Variants in CELSR1 observed in about 807,000 individuals in gnomAD.
CELSR1 encodes adhesion G protein-coupled receptor C1.
A neutral mutation model predicts 249.1 loss-of-function variants in CELSR1; 110 were observed. The ratio of observed to expected loss-of-function variants is 0.44; its 90% CI spans 0.38 to 0.52. The LOEUF is 0.52. CELSR1 is among the 20% of genes least tolerant of loss of function. The pLI is 0.00. For missense variants in CELSR1, 4,109 were observed against 4,296.4 expected, an observed-to-expected ratio of 0.96 and a Z score of 1.22; for synonymous variants, 2,113 against 1,900.0, an observed-to-expected ratio of 1.11 and a Z score of -2.92.
intron 27 of CELSR1, among the ~76,000 whole-genome samples, chr22:46,368,332 C>T (rs1042559258): frequency 1.9e-4 from 29 of 152,052 alleles, no homozygotes; most frequent in African/African-American, 4.8e-4. Context: ...GGAGTGAATC[C>T]GGGTGACAGA....
rs140648426 is a variant in CELSR1, at chr22:46,488,911, G to A, written c.3545-24566C>T. On this transcript the variant is annotated intron_variant, in intron 1 of 34. Transcript: ENST00000674500. The surrounding 1 kb of genome is among the most constrained non-coding windows in gnomAD (Gnocchi z 4.7). ...CCTGACCTCATGATCCGCCTGCCTCGGCTTCCCAAAGTGTTGGGATTACAG... is the reference window on the plus strand; with the variant it reads ...CCTGACCTCATGATCCGCCTGCCTCAGCTTCCCAAAGTGTTGGGATTACAG... Among the ~76,000 whole-genome samples, 2,082 of 151,718 alleles carry A rather than the reference G, an allele frequency of 0.014. 45 individuals are homozygous for A. Among genetic ancestry groups the A allele is most frequent in the African/African-American group, 0.048 (1,991 of 41,340 alleles).
chr22:46,494,899 A>G (rs149853846), intron 1 of CELSR1, among the ~76,000 whole-genome samples: 201 of 152,288 alleles, frequency 1.3e-3, no homozygotes, highest in African/African-American at 4.6e-3. Flanking sequence ...ATTGTAGGTT[A>G]TATATTTCAC....
In CELSR1 at chr22:46,363,057, C is replaced by CG. The variant is rs1311620586; in HGVS notation, c.*165dup. On this transcript the variant is annotated 3_prime_UTR_variant, in exon 35 of 35. Coordinates refer to ENST00000674500, the MANE Select transcript of CELSR1 (RefSeq NM_001378328.1). This position sits in a 1 kb window ranked among gnomAD's most constrained non-coding sequence, Gnocchi z 4.3. ...AGACCTTTGTGTCTGGATGATCAGTCGGGGGGCTGCCACCATGGGGACCGC... is the reference window on the plus strand; with the variant it reads ...AGACCTTTGTGTCTGGATGATCAGTCGGGGGGGCTGCCACCATGGGGACCGC... 6 of 1,429,500 alleles carry CG rather than the reference C, an allele frequency of 4.2e-6. No individual in the cohort carries two copies. In the East Asian group the frequency reaches 9.1e-5, roughly 22 times the overall value. 88.6% of individuals were successfully genotyped at this position (1,429,500 alleles called of 1,614,324 possible). A position where few individuals can be genotyped will look rare whatever the true frequency, so the allele number is the denominator to read the frequency against.
chr22:46,472,086 C>T lies in CELSR1; in HGVS notation c.3545-7741G>A, dbSNP rs886262916. On this transcript the variant is annotated intron_variant, in intron 1 of 34. Coordinates refer to ENST00000674500, the MANE Select transcript of CELSR1 (RefSeq NM_001378328.1). This position sits in a 1 kb window ranked among gnomAD's most constrained non-coding sequence, Gnocchi z 7.0. ...GAGCGGCTCCGCGGCACCTCAAAAG[C>T]GATCAAGTGCCATCCCCTGCTTTCC... Among the ~76,000 whole-genome samples the T allele has an allele frequency of 6.6e-6, 1 of 152,162 alleles. No individual in the cohort carries two copies. Among genetic ancestry groups the T allele is most frequent in the Non-Finnish European group, 1.5e-5 (1 of 68,036 alleles).
At position 46,436,656 on chromosome 22, in the gene CELSR1, T is replaced by C. The variant is rs1044502542; in HGVS notation, c.4407-367A>G. On this transcript the variant is annotated intron_variant, in intron 3 of 34. Transcript: ENST00000674500. This position sits in a 1 kb window ranked among gnomAD's most constrained non-coding sequence, Gnocchi z 5.9. ...GCTGCTGTGAACAGATCCCCCCGTG[T>C]GTGCGCCAGGGCATGGGGACCTGGT... 6.6e-6 allele frequency among the ~76,000 whole-genome samples: 1 copy of C among 152,174 alleles called. No homozygotes were observed. The highest frequency in any genetic ancestry group is 1.5e-5 in the Non-Finnish European group (1 of 68,040).
intron 5 of CELSR1, among the ~76,000 whole-genome samples, chr22:46,418,221 C>T (rs6008816): frequency 0.033 from 5,061 of 152,330 alleles, 264 homozygotes; most frequent in African/African-American, 0.11. Context: ...TGGCTCACGC[C>T]TGTAATCCCA....
rs1231742831 is a variant in CELSR1, at chr22:46,521,862, C to A, written c.3544+11765G>T. Among the ~76,000 whole-genome samples the A allele has an allele frequency of 4.6e-5, 7 of 152,170 alleles. No homozygotes were observed. The East Asian group carries it at 1.3e-3, about 29-fold the overall frequency. The stretch of plus-strand genomic sequence containing the variant: ...AGACCTTGTTTTGAATTAGAGCATA[C>A]CCAGAAGCGGGATTGCTGGATCATA... On this transcript the variant is annotated intron_variant, in intron 1 of 34. Transcript: ENST00000674500.
intron 18 of CELSR1, among the ~76,000 whole-genome samples, chr22:46,387,502 T>TCCCACGTAGCTGGGATTACAGGCG (rs371039039): frequency 0.016 from 2,366 of 151,958 alleles, 80 homozygotes; most frequent in African/African-American, 0.054. Context: ...TGCCTCAGCC[T>TCCCACGTAGCTGGGATTACAGGCG]CCCACCACCC....
chr22:46,534,823 T>C lies in CELSR1; in HGVS notation c.2348A>G (p.Asn783Ser). The change falls in exon 1 of 35, where the codon AAC (asparagine) becomes AGC (serine). Residue 783 changes from asparagine to serine, a missense_variant. Coordinates refer to ENST00000674500, the MANE Select transcript of CELSR1 (RefSeq NM_001378328.1). The surrounding 1 kb of genome is among the most constrained non-coding windows in gnomAD (Gnocchi z 9.7). ...AHVLINVTDA[N>S]THRPVFQSSH... is the part of the protein sequence containing the mutation. The stretch of plus-strand genomic sequence containing the variant: ...GCTCTGAAAGACAGGCCTGTGGGTG[T>C]TGGCATCAGTGACGTTGATTAGGAC... The C allele has an allele frequency of 6.2e-7, 1 of 1,613,036 alleles. No individual in the cohort carries two copies. The highest frequency in any genetic ancestry group is 8.5e-7 in the Non-Finnish European group (1 of 1,179,918).
At position 46,533,971 on chromosome 22, in the gene CELSR1, C is replaced by G. The variant is rs752742697; in HGVS notation, c.3200G>C (p.Arg1067Pro). 2 of 1,613,394 alleles carry G rather than the reference C, an allele frequency of 1.2e-6. No homozygotes were observed. Among genetic ancestry groups the G allele is most frequent in the Non-Finnish European group, 1.7e-6 (2 of 1,180,038 alleles). ...CTGCACCACCAGCACATACTCCCGC[C>G]GGACCTCAAAGTCCAGCTCCACCAT... is the stretch of plus-strand genomic sequence containing the variant. ...RAMVELDFEV[R>P]REYVLVVQAT... The change falls in exon 1 of 35, where the codon CGG becomes CCG. Residue 1067 changes from arginine (R) to proline (P), a missense_variant. By Grantham distance (103) the Arg-to-Pro change is moderately radical. This residue lies in a region of CELSR1 where 886 missense variants were observed against 896.5 expected (regional missense o/e 0.99). Transcript: ENST00000674500.
chr22:46,369,301 T>G (rs935173911), intron 26 of CELSR1, 43 bp from the exon 27 acceptor site: 1 of 1,580,278 alleles, frequency 6.3e-7, no homozygotes, highest in Non-Finnish European at 8.7e-7. Flanking sequence ...CTCTCGTCAC[T>G]GCAGACCTCC....
Position 46,440,977 on chromosome 22 carries a change from A to ACC in CELSR1, c.4184-1568_4184-1567dup, listed in dbSNP as rs1245500244. ...AGACCAGCCTGGCCAACATGGTGAAACCCCGTCTCTACTAAAAATACAAAA... is the reference window on the plus strand; with the variant it reads ...AGACCAGCCTGGCCAACATGGTGAAACCCCCCGTCTCTACTAAAAATACAAAA... On this transcript the variant is annotated intron_variant, in intron 2 of 34. Transcript: ENST00000674500. The surrounding 1 kb of genome is among the most constrained non-coding windows in gnomAD (Gnocchi z 4.7). Among the ~76,000 whole-genome samples, 1 of 151,488 alleles carries ACC rather than the reference A, an allele frequency of 6.6e-6. No individual in the cohort carries two copies. Among genetic ancestry groups the ACC allele is most frequent in the Non-Finnish European group, 1.5e-5 (1 of 67,906 alleles).
At chr22:46,505,399 T>C (rs940072135) in intron 1 of CELSR1, among the ~76,000 whole-genome samples, 7 of 151,724 alleles carry the variant, frequency 4.6e-5, no homozygotes, top group African/African-American at 1.7e-4. Flanking sequence ...TTTGGAAGGC[T>C]GAGGTGGGAA....
chr22:46,525,991 G>T (rs1245729036), intron 1 of CELSR1, among the ~76,000 whole-genome samples: 1 of 152,260 alleles, frequency 6.6e-6, no homozygotes, highest in Non-Finnish European at 1.5e-5. Context: ...TCACCTGCCT[G>T]CTACTTCACC....
At chr22:46,486,277 G>A (rs1602201464) in intron 1 of CELSR1, among the ~76,000 whole-genome samples, 4 of 151,066 alleles carry the variant, frequency 2.6e-5, no homozygotes, top group Admixed American at 1.3e-4. Flanking sequence ...GGCCGGGCAC[G>A]CTGGCTCACG....
rs199701502 is a variant in CELSR1, at chr22:46,533,613, C to T, written c.3544+14G>A. 3.3e-6 allele frequency: 5 copies of T among 1,538,342 alleles called. No homozygotes were observed. The highest frequency in any genetic ancestry group is 2.3e-5 in the East Asian group (1 of 44,322). Reference sequence around the variant, plus strand: ...CCATCAGGAGCTACTCCTCCCACCCCGACGGCCACTCACCAGACACAGACA... The same window carrying T: ...CCATCAGGAGCTACTCCTCCCACCCTGACGGCCACTCACCAGACACAGACA... On this transcript the variant is annotated intron_variant, in intron 1 of 34. Coordinates refer to ENST00000674500, the MANE Select transcript of CELSR1 (RefSeq NM_001378328.1).
chr22:46,493,054 G>A (rs978674414), intron 1 of CELSR1, among the ~76,000 whole-genome samples: 10 of 151,930 alleles, frequency 6.6e-5, no homozygotes, highest in Middle Eastern at 3.2e-3. Context: ...GACCAGCCTG[G>A]GAAACATAGC....
chr22:46,390,586 C>G lies in CELSR1; in HGVS notation c.6251-100G>C, dbSNP rs2079079500. 1.0e-6 allele frequency: 1 copy of G among 992,046 alleles called. No homozygotes were observed. Among genetic ancestry groups the G allele is most frequent in the Non-Finnish European group, 1.5e-6 (1 of 658,370 alleles). 61.5% of individuals were successfully genotyped at this position (992,046 alleles called of 1,614,324 possible). A position where few individuals can be genotyped will look rare whatever the true frequency, so the allele number is the denominator to read the frequency against. ...TCTGAATATACTTAAACCCAGAACA[C>G]TGCGTGGTGGTTAGAACCCCATGGG... is the stretch of plus-strand genomic sequence containing the variant. On this transcript the variant is annotated intron_variant, in intron 16 of 34. Coordinates refer to ENST00000674500, the MANE Select transcript of CELSR1 (RefSeq NM_001378328.1). The surrounding 1 kb of genome is among the most constrained non-coding windows in gnomAD (Gnocchi z 6.3).
chr22:46,388,399 G>A (rs1392389668), intron 18 of CELSR1, among the ~76,000 whole-genome samples: 1 of 152,120 alleles, frequency 6.6e-6, no homozygotes, highest in Non-Finnish European at 1.5e-5. Flanking sequence ...ACTTGTTTGT[G>A]GAGTCACGCA....
Sources: gnomAD v4.1 joint callset for allele counts (sites outside exome capture counted in the v4.1 genomes callset) on GRCh38, gnomAD v4.1.1 for gene constraint, gnomAD v4.1.1 regional missense constraint, Gnocchi (gnomAD v3.1) non-coding constraint, MANE v1.5 for transcripts, NCBI Gene and HGNC (gene_info 2026-07-23, HGNC 2026-07-21) for gene names.